The following SLC2A13 variants were observed in gnomAD, a reference collection of about 807,000 sequenced individuals.
The protein encoded by SLC2A13 is proton myo-inositol cotransporter.
SLC2A13 carries 32 observed loss-of-function variants against 64.4 expected under a neutral mutation model. The observed-to-expected ratio is 0.50, with a 90% CI of 0.37 to 0.67. SLC2A13 has a LOEUF of 0.67. SLC2A13 is among the 30% of genes least tolerant of loss of function. The pLI is 0.00. For missense variants in SLC2A13, 743 were observed against 829.2 expected (o/e 0.90, Z 1.28); for synonymous variants, 338 against 327.1 (o/e 1.03, Z -0.36).
intron 6 of SLC2A13, among the ~76,000 whole-genome samples, chr12:39,832,232 G>GTC (rs1942873471): frequency 6.6e-6 from 1 of 152,052 alleles, no homozygotes; most frequent in Non-Finnish European, 1.5e-5. Context: ...AACCAGACTA[G>GTC]GCTAATTTGG....
At chr12:39,834,887 C>G (rs1942964738) in intron 6 of SLC2A13, among the ~76,000 whole-genome samples, 1 of 152,056 alleles carries the variant, frequency 6.6e-6, no homozygotes, top group Admixed American at 6.6e-5. Flanking sequence ...CCTGGGGAAT[C>G]TGCTAATTGA....
intron 7 of SLC2A13, among the ~76,000 whole-genome samples, chr12:39,825,851 A>G (rs1942653841): frequency 6.6e-6 from 1 of 152,070 alleles, no homozygotes; most frequent in African/African-American, 2.4e-5. Context: ...TTCTACTTCT[A>G]ACCTCTTGTG....
chr12:39,996,973 C>T lies in SLC2A13; in HGVS notation c.925+31328G>A, dbSNP rs1410956317. Among the ~76,000 whole-genome samples, 4 of 152,092 alleles carry T rather than the reference C, an allele frequency of 2.6e-5. 1 individual carries two copies. The highest frequency in any genetic ancestry group is 5.9e-5 in the Non-Finnish European group (4 of 68,026). On this transcript the variant is annotated intron_variant, in intron 3 of 9. Coordinates refer to ENST00000280871, the MANE Select transcript of SLC2A13 (RefSeq NM_052885.4). The stretch of plus-strand genomic sequence containing the variant: ...TGACCATACTGCCAAAAGCAATTTA[C>T]AAATTCAATGCAATTCCAATCAAAA...
intron 3 of SLC2A13, among the ~76,000 whole-genome samples, chr12:40,004,347 G>A (rs932657319): frequency 2.1e-4 from 32 of 151,984 alleles, no homozygotes; most frequent in African/African-American, 7.3e-4. Flanking sequence ...ACCATGCCTG[G>A]ATAATTTTGT....
At chr12:39,835,853 G>C (rs1285448397) in intron 6 of SLC2A13, 1 of 152,048 alleles carries the variant, frequency 6.6e-6, no homozygotes, top group Non-Finnish European at 1.5e-5. Flanking sequence ...ATGAATTGAC[G>C]TAAATATATT....
chr12:40,104,992 CT>C (rs1236546661), intron 1 of SLC2A13, among the ~76,000 whole-genome samples: 2 of 152,148 alleles, frequency 1.3e-5, no homozygotes, highest in African/African-American at 4.8e-5. Context: ...CTTGGACTGA[CT>C]GGTCCGTGGC....
chr12:39,938,908 T>A (rs1023463898), intron 4 of SLC2A13, among the ~76,000 whole-genome samples: 1 of 152,134 alleles, frequency 6.6e-6, no homozygotes, highest in African/African-American at 2.4e-5. Context: ...AGCTCAACTT[T>A]CTTTGTCTCT....
chr12:39,764,774 A>G lies in SLC2A13; in HGVS notation c.1530T>C (p.Leu510=). The G allele has an allele frequency of 6.2e-7, 1 of 1,612,912 alleles. No homozygotes were observed. The highest frequency in any genetic ancestry group is 8.5e-7 in the Non-Finnish European group (1 of 1,179,332). ...FCPTPYSWTA[L]LGLILYLVFF... ...AGACAAGATATAAAATAAGGCCCAG[A>G]AGTGCAGTCCAGGAGTATGGAGTAG... Residue 510 remains leucine, a synonymous_variant, in exon 8 of 10, where the codon CTT becomes CTC. Transcript: ENST00000280871.
At chr12:40,033,360 T>A (rs1377816335) in intron 2 of SLC2A13, among the ~76,000 whole-genome samples, 2 of 152,234 alleles carry the variant, frequency 1.3e-5, no homozygotes, top group African/African-American at 2.4e-5. Flanking sequence ...TTCCCTCACC[T>A]CTGTTAAATG....
chr12:39,970,572 T>G (rs1166643507), intron 3 of SLC2A13, among the ~76,000 whole-genome samples: 2 of 152,192 alleles, frequency 1.3e-5, no homozygotes, highest in Non-Finnish European at 2.9e-5. Context: ...CTGTTACCCT[T>G]AATGCAGGCC....
At chr12:39,996,320 G>A (rs1021798586) in intron 3 of SLC2A13, among the ~76,000 whole-genome samples, 2 of 152,128 alleles carry the variant, frequency 1.3e-5, no homozygotes, top group Non-Finnish European at 2.9e-5. Context: ...AGGTGACTTG[G>A]GTGCTGTTAA....
Position 39,757,133 on chromosome 12 carries a change from A to ATGAT in SLC2A13, c.*2889_*2892dup, listed in dbSNP as rs1939989910. The ATGAT allele has an allele frequency of 6.6e-6, 1 of 151,826 alleles. No individual in the cohort carries two copies. The highest frequency in any genetic ancestry group is 1.5e-5 in the Non-Finnish European group (1 of 67,726). 9.4% of individuals were successfully genotyped at this position (151,826 alleles called of 1,614,324 possible). A position where few individuals can be genotyped will look rare whatever the true frequency, so the allele number is the denominator to read the frequency against. On this transcript the variant is annotated 3_prime_UTR_variant, in exon 10 of 10. Transcript: ENST00000280871. ...CCCTATGTGTTTATATGCAGATGAA[A>ATGAT]TGATATATCCTCTTAAGTCTAGTGC...
intron 7 of SLC2A13, among the ~76,000 whole-genome samples, chr12:39,796,047 T>TC (rs1160202328): frequency 6.6e-6 from 1 of 151,950 alleles, no homozygotes; most frequent in South Asian, 2.1e-4. Context: ...AAACCTCTTC[T>TC]CCCCCCAGCC....
intron 3 of SLC2A13, among the ~76,000 whole-genome samples, chr12:39,996,673 T>A (rs909954434): frequency 6.6e-6 from 1 of 152,206 alleles, no homozygotes; most frequent in Non-Finnish European, 1.5e-5. Flanking sequence ...GGGGCCAACA[T>A]AGAGTTCGGG....
At chr12:39,797,781 C>T (rs866524332) in intron 7 of SLC2A13, among the ~76,000 whole-genome samples, 5 of 151,614 alleles carry the variant, frequency 3.3e-5, no homozygotes, top group Non-Finnish European at 5.9e-5. Context: ...CACACATACA[C>T]GGATGCATAC....
intron 1 of SLC2A13, among the ~76,000 whole-genome samples, chr12:40,098,021 GTATATGTA>G (rs1440707911): frequency 6.7e-6 from 1 of 150,272 alleles, no homozygotes; most frequent in African/African-American, 2.5e-5. Flanking sequence ...CTATATATGT[GTATATGTA>G]TGTATATATG....
chr12:39,945,299 T>C (rs1946114853), intron 4 of SLC2A13, among the ~76,000 whole-genome samples: 1 of 152,172 alleles, frequency 6.6e-6, no homozygotes, highest in African/African-American at 2.4e-5. Flanking sequence ...ATTCTTTCCT[T>C]CATCTTAACT....
intron 4 of SLC2A13, among the ~76,000 whole-genome samples, chr12:39,897,208 G>A (rs1398256198): frequency 1.3e-5 from 2 of 152,110 alleles, no homozygotes; most frequent in Non-Finnish European, 2.9e-5. Context: ...TGAAAAAAGA[G>A]GATTTTGAGT....
intron 4 of SLC2A13, among the ~76,000 whole-genome samples, chr12:39,913,152 A>T (rs572206705): frequency 6.6e-6 from 1 of 152,108 alleles, no homozygotes; most frequent in Non-Finnish European, 1.5e-5. Context: ...TGAAAACTCC[A>T]GATGATGCCA....
Sources: gnomAD v4.1 joint callset for allele counts (sites outside exome capture counted in the v4.1 genomes callset) on GRCh38, gnomAD v4.1.1 for gene constraint, MANE v1.5 for transcripts, NCBI Gene and HGNC (gene_info 2026-07-23, HGNC 2026-07-21) for gene names.